DSG3: variants seen among roughly 807,000 people sequenced by gnomAD.
The protein encoded by DSG3 is desmoglein 3, also known as desmoglein-3.
In DSG3, 63 loss-of-function variants were observed where a neutral mutation model predicts 85.9. The observed-to-expected ratio is 0.73, with a 90% CI of 0.60 to 0.90. The LOEUF is 0.90. Among genes scored for constraint, DSG3 ranks in the 40% least tolerant of loss-of-function variants. The pLI is 0.00. For synonymous variants in DSG3, 447 were observed against 441.9 expected, an observed-to-expected ratio of 1.01 and a Z score of -0.14; for missense variants, 1,220 against 1,219.9, an observed-to-expected ratio of 1.00 and a Z score of 0.00.
At chr18:31,472,892 A>C (rs1045283131) in intron 14 of DSG3, 104 bp downstream of exon 14, 7 of 1,036,860 alleles carry the variant, frequency 6.8e-6, no homozygotes, top group Non-Finnish European at 8.8e-6. Flanking sequence ...ATCTGTGTGC[A>C]CATGTCAGGA....
Position 31,469,305 on chromosome 18 carries a change from C to T in DSG3, c.1853C>T (p.Pro618Leu), listed in dbSNP as rs1193411254. Residue 618 changes from proline (P) to leucine (L), a missense_variant, in exon 12 of 16, where the codon CCT becomes CTT. By Grantham distance (98) the Pro-to-Leu change is moderately conservative. Coordinates refer to ENST00000257189, the MANE Select transcript of DSG3 (RefSeq NM_001944.3). ...AGGCCGCACTCAGGGAGGCTGGGGC[C>T]TGCCGCCATCGGCCTGCTGCTCCTT... is the stretch of plus-strand genomic sequence containing the variant. The part of the protein sequence containing the change: ...YGRPHSGRLG[P>L]AAIGLLLLGL... 6.2e-7 allele frequency: 1 copy of T among 1,613,720 alleles called. No homozygotes were observed. The highest frequency in any genetic ancestry group is 8.5e-7 in the Non-Finnish European group (1 of 1,180,024).
intron 6 of DSG3, 134 bp from the exon 7 acceptor site, chr18:31,460,699 A>C (rs2072778313): frequency 1.3e-6 from 1 of 786,858 alleles, no homozygotes; most frequent in Non-Finnish European, 1.9e-6. Flanking sequence ...ACCTCCACCC[A>C]ACCATCCAGA....
chr18:31,454,686 T>TTTTC (rs1555665982), intron 1 of DSG3, among the ~76,000 whole-genome samples: 7 of 151,588 alleles, frequency 4.6e-5, no homozygotes, highest in South Asian at 2.1e-4. Flanking sequence ...TTTTTTTTTT[T>TTTTC]TCTCTTTATG....
In DSG3 at chr18:31,475,846, T is replaced by C. The variant is rs774300738; in HGVS notation, c.2586T>C (p.Gly862=). The part of the protein sequence containing the change: ...KFKKLAEISL[G]VDGEGKEVQP... ...AAAAACTTGCAGAGATAAGCCTTGG[T>C]GTTGATGGTGAAGGCAAAGAAGTTC... Residue 862 remains glycine, a synonymous_variant, in exon 16 of 16, where the codon GGT becomes GGC. Coordinates refer to ENST00000257189, the MANE Select transcript of DSG3 (RefSeq NM_001944.3). 3 of 1,614,166 alleles carry C rather than the reference T, an allele frequency of 1.9e-6. No homozygotes were observed. The South Asian group carries it at 3.3e-5, about 18-fold the overall frequency.
intron 8 of DSG3, among the ~76,000 whole-genome samples, chr18:31,462,024 G>A (rs1221814157): frequency 6.6e-6 from 1 of 151,882 alleles, no homozygotes; most frequent in Non-Finnish European, 1.5e-5. Flanking sequence ...CGTTTGGTTG[G>A]TTGGTTTTTG....
rs373365493 is a variant in DSG3 at position 31,461,391 on chromosome 18, A to T, written c.978A>T (p.Glu326Asp). The T allele has an allele frequency of 4.6e-5, 74 of 1,613,120 alleles. No homozygotes were observed. Among genetic ancestry groups the T allele is most frequent in the Non-Finnish European group, 6.3e-5 (74 of 1,179,704 alleles). Residue 326 changes from glutamate to aspartate, a missense_variant, in exon 8 of 16, where the codon GAA becomes GAT. Glu to Asp is a conservative substitution (Grantham distance 45, BLOSUM62 2). Transcript: ENST00000257189. Reference protein sequence around the residue: ...FEIQTDPRTNEGILKVVKALD... With the variant: ...FEIQTDPRTNDGILKVVKALD... ...TACAAACTGATCCTAGAACTAATGAAGGCATCCTGAAAGTGGTGAAGGTAA... is the reference window on the plus strand; with the variant it reads ...TACAAACTGATCCTAGAACTAATGATGGCATCCTGAAAGTGGTGAAGGTAA...
chr18:31,475,455 T>G (rs890246570), intron 15 of DSG3, among the ~76,000 whole-genome samples, 191 bp from the exon 16 acceptor site: 3 of 152,212 alleles, frequency 2.0e-5, no homozygotes, highest in African/African-American at 7.2e-5. Context: ...AATTTTGAGG[T>G]AATGTCAACC....
At position 31,476,476 on chromosome 18, in the gene DSG3, A is replaced by C. The variant is rs2072889028; in HGVS notation, c.*216A>C. The C allele has an allele frequency of 2.2e-6, 1 of 462,354 alleles. No homozygotes were observed. 28.6% of individuals were successfully genotyped at this position (462,354 alleles called of 1,614,324 possible). A position where few individuals can be genotyped will look rare whatever the true frequency, so the allele number is the denominator to read the frequency against. On this transcript the variant is annotated 3_prime_UTR_variant, in exon 16 of 16. Coordinates refer to ENST00000257189, the MANE Select transcript of DSG3 (RefSeq NM_001944.3). ...CTCAAGTACTATTCAAATTGTAGTA[A>C]ATCTTAAAGTTTTTCAAAACCCTAA...
chr18:31,455,892 G>A (rs1416367333), intron 1 of DSG3, among the ~76,000 whole-genome samples: 4 of 152,178 alleles, frequency 2.6e-5, no homozygotes, highest in Admixed American at 1.3e-4. Flanking sequence ...CATCTTTTAC[G>A]TTTTGTTCTC....
At chr18:31,454,677 T>G (rs551896798) in intron 1 of DSG3, among the ~76,000 whole-genome samples, 71 of 151,960 alleles carry the variant, frequency 4.7e-4, no homozygotes, top group African/African-American at 1.4e-3. Context: ...TAGTTTGTTT[T>G]TTTTTTTTTT....
At chr18:31,455,458 C>G (rs1369578733) in intron 1 of DSG3, among the ~76,000 whole-genome samples, 3 of 152,000 alleles carry the variant, frequency 2.0e-5, no homozygotes, top group African/African-American at 7.2e-5. Context: ...CCTGGCTTAG[C>G]ACAGAAATTC....
In DSG3 at chr18:31,464,301, G is replaced by A. The variant is rs868607721; in HGVS notation, c.1190G>A (p.Ser397Asn). 1 of 1,614,078 alleles carries A rather than the reference G, an allele frequency of 6.2e-7. No homozygotes were observed. The highest frequency in any genetic ancestry group is 8.5e-7 in the Non-Finnish European group (1 of 1,179,988). The change falls in exon 9 of 16, where the codon AGT becomes AAT. Residue 397 changes from serine (S) to asparagine (N), a missense_variant. By Grantham distance (46) the Ser-to-Asn change is conservative (BLOSUM62 1). Coordinates refer to ENST00000257189, the MANE Select transcript of DSG3 (RefSeq NM_001944.3). ...SKTFTVQKGI[S>N]SKKLVDYILG... Reference sequence around the variant, plus strand: ...ACATTTACTGTGCAAAAAGGCATAAGTAGCAAAAAATTGGTGGATTATATC... The same window carrying A: ...ACATTTACTGTGCAAAAAGGCATAAATAGCAAAAAATTGGTGGATTATATC...
intron 12 of DSG3, among the ~76,000 whole-genome samples, chr18:31,471,771 T>C (rs2072856965): frequency 2.0e-5 from 3 of 152,192 alleles, no homozygotes. Flanking sequence ...CAGCCATTGA[T>C]TAGGCTATCA....
intron 9 of DSG3, 86 bp downstream of exon 9, chr18:31,464,468 C>G: frequency 7.4e-7 from 1 of 1,343,204 alleles, no homozygotes; most frequent in Non-Finnish European, 1.0e-6. Context: ...CTATTATGTG[C>G]CAAGAATAGA....
At chr18:31,468,960 C>T (rs1036988275) in intron 11 of DSG3, 129 bp from the exon 12 acceptor site, 2 of 1,379,176 alleles carry the variant, frequency 1.5e-6, no homozygotes, top group Non-Finnish European at 2.0e-6. Context: ...TCCCAACCTT[C>T]AAAACTGTGA....
intron 8 of DSG3, among the ~76,000 whole-genome samples, chr18:31,462,932 A>G (rs771645829): frequency 6.6e-6 from 1 of 152,116 alleles, no homozygotes; most frequent in Non-Finnish European, 1.5e-5. Context: ...AACCCTAATT[A>G]CCAACTCAAG....
At chr18:31,470,082 T>A (rs1330083524) in intron 12 of DSG3, among the ~76,000 whole-genome samples, 1 of 152,154 alleles carries the variant, frequency 6.6e-6, no homozygotes, top group Admixed American at 6.5e-5. Context: ...TCTGAAAAGT[T>A]GTATTTGAAT....
At chr18:31,465,655 A>G (rs1247179182) in intron 10 of DSG3, among the ~76,000 whole-genome samples, 198 bp downstream of exon 10, 15 of 152,218 alleles carry the variant, frequency 9.9e-5, no homozygotes, top group Admixed American at 9.8e-4. Flanking sequence ...GTGGAGATTG[A>G]ACCAGTGAAT....
At chr18:31,472,149 T>G in intron 12 of DSG3, 135 bp from the exon 13 acceptor site, 2 of 1,209,274 alleles carry the variant, frequency 1.7e-6, no homozygotes, top group Non-Finnish European at 2.3e-6. Flanking sequence ...TAGAAACTAA[T>G]TTTGGTTTTC....
Sources: allele counts gnomAD v4.1 joint callset (sites outside exome capture counted in the v4.1 genomes callset), GRCh38; gene constraint gnomAD v4.1.1; transcripts MANE v1.5; gene names NCBI Gene and HGNC (gene_info 2026-07-23, HGNC 2026-07-21).